Variants in PROX1 observed in about 807,000 individuals in gnomAD.
PROX1 encodes prospero homeobox 1.
In PROX1, 7 loss-of-function variants were observed where a neutral mutation model predicts 58.8. The observed-to-expected ratio is 0.12, with a 90% CI of 0.07 to 0.22. The LOEUF is 0.22. PROX1 is among the 10% of genes least tolerant of loss of function. The pLI is 1.00. For synonymous variants in PROX1, 350 were observed against 358.3 expected, an observed-to-expected ratio of 0.98 and a Z score of 0.26; for missense variants, 675 against 927.8, an observed-to-expected ratio of 0.73 and a Z score of 3.54.
chr1:214,023,572 G>T (rs1235858816), intron 4 of PROX1, among the ~76,000 whole-genome samples: 1 of 151,988 alleles, frequency 6.6e-6, no homozygotes, highest in Admixed American at 6.6e-5. Flanking sequence ...AAGCCTACTT[G>T]GTAGTGTTTG....
intron 1 of PROX1, among the ~76,000 whole-genome samples, chr1:213,994,825 A>G (rs1306846384): frequency 1.6e-5 from 2 of 128,982 alleles, no homozygotes; most frequent in Admixed American, 8.3e-5. Flanking sequence ...TTTTGCTTTC[A>G]TGATACCCTA....
intron 1 of PROX1, among the ~76,000 whole-genome samples, chr1:213,994,018 C>G (rs1003801060): frequency 1.3e-5 from 2 of 152,236 alleles, no homozygotes; most frequent in African/African-American, 4.8e-5. Context: ...GCACAGCCCT[C>G]CTCTTGGCTC....
Position 214,005,099 on chromosome 1 carries a change from T to TGGAG in PROX1, c.1726-56_1726-53dup, listed in dbSNP as rs1294580179. ...CCCCAGACTCTATGGAGGTGGGGACTGGAGGGAGGGAGGTGGGAGTCCTTG... is the reference window on the plus strand; with the variant it reads ...CCCCAGACTCTATGGAGGTGGGGACTGGAGGGAGGGAGGGAGGTGGGAGTCCTTG... On this transcript the variant is annotated intron_variant, in intron 2 of 4. Transcript: ENST00000366958. 146 of 1,290,334 alleles carry TGGAG rather than the reference T, an allele frequency of 1.1e-4. No homozygotes were observed. The South Asian group carries it at 1.7e-3, about 15-fold the overall frequency. 79.9% of individuals were successfully genotyped at this position (1,290,334 alleles called of 1,614,324 possible).
chr1:214,021,622 G>T (rs531340407), intron 4 of PROX1, among the ~76,000 whole-genome samples: 2 of 152,366 alleles, frequency 1.3e-5, no homozygotes, highest in African/African-American at 2.4e-5. Context: ...AGAACTCCAG[G>T]TGTGGGCAGT....
chr1:213,988,588 A>G (rs1252662426), intron 1 of PROX1, 105 bp downstream of exon 1: 1 of 152,244 alleles, frequency 6.6e-6, no homozygotes, highest in Non-Finnish European at 1.5e-5. Context: ...CCCATTACTC[A>G]GACCCGTGTA....
In PROX1 at chr1:213,997,618, G is replaced by T. The variant is rs758827252; in HGVS notation, c.1083G>T (p.Ser361=). The stretch of plus-strand genomic sequence containing the variant: ...AACAGGAACTGAACACTGCCATGTC[G>T]CAAGTTGTGGACACTGTGGTCAAAG... ...TLKQELNTAM[S]QVVDTVVKVF... The change falls in exon 2 of 5, where the codon TCG becomes TCT. Residue 361 remains serine (S), a synonymous_variant. Transcript: ENST00000366958. The surrounding 1 kb of genome is among the most constrained non-coding windows in gnomAD (Gnocchi z 7.1). 3 of 1,614,142 alleles carry T rather than the reference G, an allele frequency of 1.9e-6. No individual in the cohort carries two copies. The highest frequency in any genetic ancestry group is 2.5e-6 in the Non-Finnish European group (3 of 1,180,038).
At position 214,037,968 on chromosome 1, in the gene PROX1, T is replaced by C. The variant is rs1664883218; in HGVS notation, c.*2134T>C. The C allele has an allele frequency of 6.6e-6, 1 of 152,246 alleles. No homozygotes were observed. The highest frequency in any genetic ancestry group is 1.5e-5 in the Non-Finnish European group (1 of 68,046). 9.4% of individuals were successfully genotyped at this position (152,246 alleles called of 1,614,324 possible). On this transcript the variant is annotated 3_prime_UTR_variant, in exon 5 of 5. Coordinates refer to ENST00000366958, the MANE Select transcript of PROX1 (RefSeq NM_001270616.2). ...TTCCGTGTAATTCATATCAACTTTG[T>C]GTTGCCATTTGCAAGGTAAAAGGCA...
At chr1:214,027,668 A>G (rs1476908141) in intron 4 of PROX1, among the ~76,000 whole-genome samples, 2 of 152,184 alleles carry the variant, frequency 1.3e-5, no homozygotes, top group African/African-American at 2.4e-5. Context: ...CCTGGTTGCA[A>G]CACGTCTGCC....
Position 214,039,832 on chromosome 1 carries a change from A to AAC in PROX1, c.*4007_*4008dup, listed in dbSNP as rs1319593367. The AAC allele has an allele frequency of 3.7e-5, 5 of 134,412 alleles. No homozygotes were observed. Among genetic ancestry groups the AAC allele is most frequent in the African/African-American group, 6.8e-5 (2 of 29,200 alleles). The allele number at this position is 134,412 out of a possible 1,614,324, so 8.3% of individuals were successfully genotyped here. On this transcript the variant is annotated 3_prime_UTR_variant, in exon 5 of 5. Coordinates refer to ENST00000366958, the MANE Select transcript of PROX1 (RefSeq NM_001270616.2). ...ACACACACACACACACACACACACAAACACACACACTGTCATAAAGCTAAT... is the reference window on the plus strand; with the variant it reads ...ACACACACACACACACACACACACAAACACACACACACTGTCATAAAGCTAAT...
upstream of PROX1, chr1:213,985,747 A>G (rs1292583325): frequency 6.6e-6 from 1 of 152,246 alleles, no homozygotes; most frequent in Non-Finnish European, 1.5e-5. Context: ...GCTATGTGCA[A>G]TTGACACAAA....
At chr1:213,998,290 A>T (rs764528538) in intron 2 of PROX1, 30 bp downstream of exon 2, 110 of 1,516,118 alleles carry the variant, frequency 7.3e-5, no homozygotes, top group Non-Finnish European at 9.5e-5. Flanking sequence ...TCGAGGAAAA[A>T]ACAAACCAAA....
At chr1:214,014,710 C>A (rs1193836691) in intron 4 of PROX1, among the ~76,000 whole-genome samples, 1 of 152,190 alleles carries the variant, frequency 6.6e-6, no homozygotes, top group Non-Finnish European at 1.5e-5. Context: ...TGGGCAGAGG[C>A]AGATCGAGCC....
chr1:214,029,344 A>C (rs11120242), intron 4 of PROX1: 6,971 of 152,290 alleles, frequency 0.046, 292 homozygotes, highest in African/African-American at 0.11. Context: ...TTAAGGAGCT[A>C]ATGATGCAGA....
Position 214,035,809 on chromosome 1 carries a change from G to T in PROX1, c.2189G>T (p.Cys730Phe). The T allele has an allele frequency of 1.2e-6, 2 of 1,611,856 alleles. No homozygotes were observed. Among genetic ancestry groups the T allele is most frequent in the Non-Finnish European group, 1.7e-6 (2 of 1,179,282 alleles). The change falls in exon 5 of 5, where the codon TGC becomes TTC. Residue 730 changes from cysteine (C) to phenylalanine (F), a missense_variant. By Grantham distance (205) the Cys-to-Phe change is radical. Around this residue, in one of 8 missense-constraint regions of PROX1, gnomAD observed 16 missense variants for 21.0 expected, o/e 0.76. Coordinates refer to ENST00000366958, the MANE Select transcript of PROX1 (RefSeq NM_001270616.2). ...EVPEIFKSPN[C>F]LQELLHE ...CCTGAGATTTTCAAATCCCCGAACT[G>T]CCTACAAGAGCTGCTTCATGAGTAG... is the stretch of plus-strand genomic sequence containing the variant.
chr1:213,986,985 G>A (rs1419730851), upstream of PROX1, among the ~76,000 whole-genome samples: 4 of 152,178 alleles, frequency 2.6e-5, no homozygotes, highest in African/African-American at 9.7e-5. Flanking sequence ...GAAATTTCTT[G>A]CCTAATAAAC....
chr1:214,014,282 TAAG>T (rs1664018737), intron 4 of PROX1, among the ~76,000 whole-genome samples: 1 of 152,222 alleles, frequency 6.6e-6, no homozygotes, highest in Non-Finnish European at 1.5e-5. Context: ...TTTCTCCTCT[TAAG>T]GTCAAGTAAA....
At chr1:213,987,215 T>C (rs188677318), upstream of PROX1, among the ~76,000 whole-genome samples, 2 of 152,324 alleles carry the variant, frequency 1.3e-5, no homozygotes, top group Admixed American at 1.3e-4. Context: ...AAACTGGGAC[T>C]CAGCCAATGT....
At chr1:214,015,937 C>A (rs1664079852) in intron 4 of PROX1, among the ~76,000 whole-genome samples, 1 of 152,150 alleles carries the variant, frequency 6.6e-6, no homozygotes, top group South Asian at 2.1e-4. Context: ...GACAGATCTC[C>A]CCTATCCTCG....
At chr1:214,012,008 AAGAC>A (rs1663927024) in intron 4 of PROX1, among the ~76,000 whole-genome samples, 1 of 152,228 alleles carries the variant, frequency 6.6e-6, no homozygotes, top group Admixed American at 6.5e-5. Context: ...GCAAGCAGCA[AAGAC>A]AGAGTGATTC....
Sources: gnomAD v4.1 joint callset for allele counts (sites outside exome capture counted in the v4.1 genomes callset) on GRCh38, gnomAD v4.1.1 for gene constraint, gnomAD v4.1.1 regional missense constraint, Gnocchi (gnomAD v3.1) non-coding constraint, MANE v1.5 for transcripts, NCBI Gene and HGNC (gene_info 2026-07-23, HGNC 2026-07-21) for gene names.